Variants in ZC3H7A observed in about 807,000 individuals in gnomAD.
ZC3H7A encodes the protein zinc finger CCCH domain-containing protein 7A.
In ZC3H7A, 44 loss-of-function variants were observed where a neutral mutation model predicts 125.5. That is an observed-to-expected ratio of 0.35 (90% CI 0.28 to 0.45). The LOEUF (loss-of-function observed/expected upper bound fraction) is 0.45, where lower values mean the gene tolerates loss of function less well. ZC3H7A is among the 20% of genes least tolerant of loss of function. The pLI is 1.00. For synonymous variants in ZC3H7A, 399 were observed against 391.2 expected (o/e 1.02, Z -0.23); for missense variants, 977 against 1,170.7 (o/e 0.83, Z 2.41).
chr16:11,757,212 C>A (rs7204184), intron 20 of ZC3H7A, among the ~76,000 whole-genome samples: 5,330 of 152,100 alleles, frequency 0.035, 335 homozygotes, highest in African/African-American at 0.12. Context: ...CAGCCGGGCA[C>A]GGTGGCTCAC....
At chr16:11,777,251 G>T (rs1038656958) in intron 4 of ZC3H7A, among the ~76,000 whole-genome samples, 1 of 152,038 alleles carries the variant, frequency 6.6e-6, no homozygotes, top group Non-Finnish European at 1.5e-5. Flanking sequence ...CCCTTTGCTG[G>T]AGCACATTAA....
chr16:11,772,300 A>C (rs891718414), intron 9 of ZC3H7A, among the ~76,000 whole-genome samples: 1 of 151,648 alleles, frequency 6.6e-6, no homozygotes, highest in Admixed American at 6.6e-5. Context: ...GCCCATGAAG[A>C]TTGAGACAAC....
intron 1 of ZC3H7A, 135 bp from the exon 2 acceptor site, chr16:11,782,523 G>C: frequency 1.4e-6 from 1 of 699,172 alleles, no homozygotes; most frequent in Admixed American, 2.4e-5. Flanking sequence ...CAGGGTCCTG[G>C]ACGGCAGGGA....
At chr16:11,760,013 G>A (rs980023941) in intron 19 of ZC3H7A, among the ~76,000 whole-genome samples, 1 of 151,750 alleles carries the variant, frequency 6.6e-6, no homozygotes, top group African/African-American at 2.4e-5. Flanking sequence ...CAGCTACTCG[G>A]GAGGCTGAGG....
At chr16:11,775,372 GAA>G (rs749691344) in intron 7 of ZC3H7A, among the ~76,000 whole-genome samples, 5 of 126,964 alleles carry the variant, frequency 3.9e-5, no homozygotes, top group Non-Finnish European at 5.1e-5. Flanking sequence ...CTCTGTCTTG[GAA>G]AAAAAAAAAA....
intron 18 of ZC3H7A, 127 bp downstream of exon 18, chr16:11,761,783 A>G: frequency 7.6e-7 from 1 of 1,322,554 alleles, no homozygotes; most frequent in Non-Finnish European, 1.0e-6. Flanking sequence ...TGTGTCTGTA[A>G]TTATCCTAAA....
chr16:11,754,508 C>T (rs537806070), intron 21 of ZC3H7A, among the ~76,000 whole-genome samples: 10 of 151,742 alleles, frequency 6.6e-5, no homozygotes, highest in Admixed American at 1.3e-4. Flanking sequence ...AACAGAGAGA[C>T]GGAGGTGCCA....
chr16:11,782,596 ATATTC>A, intron 1 of ZC3H7A: 1 of 307,172 alleles, frequency 3.3e-6, no homozygotes. Context: ...CACCGTTTTC[ATATTC>A]TTTTTTTTTT....
At chr16:11,752,071 A>G (rs1567369114) in intron 22 of ZC3H7A, among the ~76,000 whole-genome samples, 1 of 151,110 alleles carries the variant, frequency 6.6e-6, no homozygotes, top group African/African-American at 2.4e-5. Context: ...ACGCCCGGCT[A>G]ATTTTTGTAG....
chr16:11,777,382 C>T (rs1324876761), intron 4 of ZC3H7A, among the ~76,000 whole-genome samples: 1 of 152,150 alleles, frequency 6.6e-6, no homozygotes, highest in East Asian at 1.9e-4. Flanking sequence ...GGATATTTTT[C>T]TTAAATTCAT....
Position 11,751,188 on chromosome 16 carries a change from G to T in ZC3H7A, c.*129C>A. 1 of 973,436 alleles carries T rather than the reference G, an allele frequency of 1.0e-6. No individual in the cohort carries two copies. Among genetic ancestry groups the T allele is most frequent in the Non-Finnish European group, 1.5e-6 (1 of 684,528 alleles). The allele number at this position is 973,436 out of a possible 1,614,324, so 60.3% of individuals were successfully genotyped here. On this transcript the variant is annotated 3_prime_UTR_variant, in exon 23 of 23. Transcript: ENST00000355758. ...CCCATTTTCCTACCTACTGTGGGTTGCTGCTCAGGAGGAACGATATACGCC... is the reference window on the plus strand; with the variant it reads ...CCCATTTTCCTACCTACTGTGGGTTTCTGCTCAGGAGGAACGATATACGCC...
chr16:11,761,075 C>T (rs2141168365), intron 19 of ZC3H7A, among the ~76,000 whole-genome samples: 1 of 152,194 alleles, frequency 6.6e-6, no homozygotes, highest in East Asian at 1.9e-4. Context: ...TGGTATCAAA[C>T]CAAAGAAATC....
rs571063574 is a variant in ZC3H7A at position 11,768,582 on chromosome 16, C to G, written c.1174-81G>C. ...CACTGAAGAAAGGAACTGAATTCAT[C>G]TGAAAAATAAGATAATCTTCATAAA... is the stretch of plus-strand genomic sequence containing the variant. On this transcript the variant is annotated intron_variant, in intron 11 of 22. Coordinates refer to ENST00000355758, the MANE Select transcript of ZC3H7A (RefSeq NM_014153.4). 5 of 1,231,742 alleles carry G rather than the reference C, an allele frequency of 4.1e-6. No homozygotes were observed. In the East Asian group the frequency reaches 1.2e-4, roughly 30 times the overall value. The allele number at this position is 1,231,742 out of a possible 1,614,324, so 76.3% of individuals were successfully genotyped here.
chr16:11,767,191 A>G (rs895703033), intron 13 of ZC3H7A, among the ~76,000 whole-genome samples: 2 of 152,146 alleles, frequency 1.3e-5, no homozygotes, highest in African/African-American at 4.8e-5. Flanking sequence ...CAGTAGCCTC[A>G]GTATTCAGTA....
intron 9 of ZC3H7A, among the ~76,000 whole-genome samples, chr16:11,771,732 C>T (rs573385663): frequency 1.4e-4 from 22 of 152,126 alleles, no homozygotes; most frequent in Admixed American, 6.5e-4. Flanking sequence ...AACTCCTGAC[C>T]TGAAGTGATC....
intron 20 of ZC3H7A, 58 bp downstream of exon 20, chr16:11,758,373 A>G: frequency 1.6e-6 from 2 of 1,269,458 alleles, no homozygotes; most frequent in Non-Finnish European, 2.3e-6. Context: ...ATATTTATAG[A>G]GAGGAAAAGA....
At chr16:11,756,981 T>C (rs1189530876) in intron 20 of ZC3H7A, among the ~76,000 whole-genome samples, 1 of 97,868 alleles carries the variant, frequency 1.0e-5, no homozygotes, top group Non-Finnish European at 1.9e-5. Flanking sequence ...TTCTGCATTA[T>C]TGCCAAGTGC....
intron 12 of ZC3H7A, 44 bp downstream of exon 12, chr16:11,768,271 G>T: frequency 7.2e-7 from 1 of 1,385,172 alleles, no homozygotes; most frequent in South Asian, 2.0e-5. Context: ...TCAAGGTTAT[G>T]AGCAAGTAGT....
chr16:11,793,648 T>TTTTTTTATAATAA (rs1382159309), intron 1 of ZC3H7A, among the ~76,000 whole-genome samples: 1 of 152,192 alleles, frequency 6.6e-6, no homozygotes, highest in African/African-American at 2.4e-5. Flanking sequence ...TACAAAGTAG[T>TTTTTTTATAATAA]TAAAGTATCA....
Sources: gnomAD v4.1 joint callset for allele counts (sites outside exome capture counted in the v4.1 genomes callset) on GRCh38, gnomAD v4.1.1 for gene constraint, MANE v1.5 for transcripts, NCBI Gene and HGNC (gene_info 2026-07-23, HGNC 2026-07-21) for gene names.